Variants in NSMCE2 observed in about 807,000 individuals in gnomAD.
NSMCE2 encodes NSE2 SUMO ligase component of SMC5/6 complex, also known as E3 SUMO-protein ligase NSE2.
Under a neutral mutation model 23.8 loss-of-function variants are expected in NSMCE2, and 24 were observed. That is an observed-to-expected ratio of 1.01 (90% confidence interval 0.73 to 1.42). NSMCE2 has a LOEUF of 1.42. Among genes scored for constraint, NSMCE2 ranks in the 40% most tolerant of loss-of-function variants. The probability of loss-of-function intolerance (pLI) is 0.00; values close to 1 mark genes in which losing one functional copy is unlikely to be tolerated. For missense variants in NSMCE2, 284 were observed against 296.5 expected (o/e 0.96, Z 0.31); for synonymous variants, 92 against 94.1 (o/e 0.98, Z 0.13).
At position 125,316,647 on chromosome 8, in the gene NSMCE2, T is replaced by C. The variant is rs1323397840; in HGVS notation, c.419-40572T>C. On this transcript the variant is annotated intron_variant, in intron 5 of 7. Coordinates refer to ENST00000287437, the MANE Select transcript of NSMCE2 (RefSeq NM_173685.4). ...CTTCTTTCCTTTCTTTATTTCCTTC[T>C]TTCCTTCTTTCCTTCCTTCCTTCTT... 2.4e-4 allele frequency among the ~76,000 whole-genome samples: 15 copies of C among 63,438 alleles called. 2 individuals carry two copies. Among genetic ancestry groups the C allele is most frequent in the Admixed American group, 1.3e-3 (7 of 5,276 alleles). 41.6% of individuals were successfully genotyped at this position (63,438 alleles called of 152,430 possible). A position where few individuals can be genotyped will look rare whatever the true frequency, so the allele number is the denominator to read the frequency against.
chr8:125,164,247 C>G (rs1000388067), intron 4 of NSMCE2, among the ~76,000 whole-genome samples: 1 of 152,198 alleles, frequency 6.6e-6, no homozygotes, highest in East Asian at 1.9e-4. Context: ...CTATTGTTGA[C>G]TCTGAGCCTC....
At chr8:125,186,424 T>C (rs1263450922) in intron 5 of NSMCE2, among the ~76,000 whole-genome samples, 2 of 152,208 alleles carry the variant, frequency 1.3e-5, no homozygotes, top group Non-Finnish European at 2.9e-5. Context: ...TTTCCCTGAA[T>C]ACCATCCATT....
intron 5 of NSMCE2, among the ~76,000 whole-genome samples, chr8:125,206,491 TG>T (rs1824122928): frequency 6.6e-6 from 1 of 152,226 alleles, no homozygotes; most frequent in Admixed American, 6.5e-5. Flanking sequence ...TATGCTGAAC[TG>T]CCATGGGCTA....
At chr8:125,352,704 A>G (rs778717889) in intron 5 of NSMCE2, among the ~76,000 whole-genome samples, 1 of 152,196 alleles carries the variant, frequency 6.6e-6, no homozygotes, top group Non-Finnish European at 1.5e-5. Context: ...TGATTCTAGT[A>G]GATGATCAAT....
rs1824304728 is a variant in NSMCE2, at chr8:125,210,856, G to A, written c.418+28600G>A. Among the ~76,000 whole-genome samples, 2 of 152,120 alleles carry A rather than the reference G, an allele frequency of 1.3e-5. 1 individual carries two copies. Among genetic ancestry groups the A allele is most frequent in the Admixed American group, 1.3e-4 (2 of 15,264 alleles). ...ATGCCTCAGCCTCCCCAGTAGCTAG[G>A]ACTACAGGTATGTGCCAATATGCCA... On this transcript the variant is annotated intron_variant, in intron 5 of 7. Coordinates refer to ENST00000287437, the MANE Select transcript of NSMCE2 (RefSeq NM_173685.4).
chr8:125,331,331 TAAAA>T (rs1376812690), intron 5 of NSMCE2, among the ~76,000 whole-genome samples: 15 of 152,074 alleles, frequency 9.9e-5, no homozygotes, highest in Non-Finnish European at 1.8e-4. Flanking sequence ...GTAATAATTT[TAAAA>T]AAAGGTTTCT....
chr8:125,184,466 T>C (rs961374389), intron 5 of NSMCE2, among the ~76,000 whole-genome samples: 3 of 152,092 alleles, frequency 2.0e-5, no homozygotes. Flanking sequence ...AAAGAAATAC[T>C]TCCTTATAAA....
chr8:125,225,494 A>G (rs1002043413), intron 5 of NSMCE2, among the ~76,000 whole-genome samples: 26 of 152,224 alleles, frequency 1.7e-4, no homozygotes, highest in Admixed American at 1.5e-3. Flanking sequence ...GAGGTTGAAG[A>G]AGTGAAAATC....
chr8:125,126,732 T>C (rs954131151), intron 3 of NSMCE2, among the ~76,000 whole-genome samples: 2 of 152,200 alleles, frequency 1.3e-5, no homozygotes, highest in Non-Finnish European at 2.9e-5. Flanking sequence ...TTATTAGCAT[T>C]GTGTAAGTTT....
intron 5 of NSMCE2, among the ~76,000 whole-genome samples, chr8:125,349,339 T>G (rs1056015905): frequency 1.3e-5 from 2 of 152,216 alleles, no homozygotes; most frequent in Non-Finnish European, 2.9e-5. Flanking sequence ...GTCTTTGGAA[T>G]AATGCAAGTA....
At position 125,341,080 on chromosome 8, in the gene NSMCE2, A is replaced by T. The variant is rs549228265; in HGVS notation, c.419-16139A>T. On this transcript the variant is annotated intron_variant, in intron 5 of 7. Coordinates refer to ENST00000287437, the MANE Select transcript of NSMCE2 (RefSeq NM_173685.4). The stretch of plus-strand genomic sequence containing the variant: ...TCACTTTAACCAGTCACCTCTCCAT[A>T]TTTTTTTTTCTTTTGTCTTAAGGGA... 1.9e-4 allele frequency among the ~76,000 whole-genome samples: 29 copies of T among 151,036 alleles called. No homozygotes were observed. The South Asian group carries it at 3.8e-3, about 20-fold the overall frequency.
intron 5 of NSMCE2, among the ~76,000 whole-genome samples, chr8:125,338,597 A>C (rs577236373): frequency 1.2e-4 from 18 of 152,212 alleles, no homozygotes; most frequent in Non-Finnish European, 2.6e-4. Context: ...GAAGCAATAC[A>C]GAGAAGAAAA....
chr8:125,213,992 A>G (rs1306475007), intron 5 of NSMCE2, among the ~76,000 whole-genome samples: 1 of 152,230 alleles, frequency 6.6e-6, no homozygotes, highest in Non-Finnish European at 1.5e-5. Context: ...ACACAGAATT[A>G]AGGCAGGAAA....
At chr8:125,189,749 CTT>C (rs1380508738) in intron 5 of NSMCE2, among the ~76,000 whole-genome samples, 5 of 152,146 alleles carry the variant, frequency 3.3e-5, no homozygotes, top group African/African-American at 1.2e-4. Flanking sequence ...TTTATATTGT[CTT>C]TGAAAATTCC....
At chr8:125,143,268 CA>C (rs942478881) in intron 3 of NSMCE2, among the ~76,000 whole-genome samples, 2 of 151,800 alleles carry the variant, frequency 1.3e-5, no homozygotes, top group Non-Finnish European at 2.9e-5. Flanking sequence ...TTATTTTATC[CA>C]AAAAGAATAG....
chr8:125,303,354 G>A (rs752243246), intron 5 of NSMCE2, among the ~76,000 whole-genome samples: 38 of 152,066 alleles, frequency 2.5e-4, no homozygotes, highest in Non-Finnish European at 5.3e-4. Flanking sequence ...AGAATTCTTT[G>A]GAATTCTGAT....
intron 3 of NSMCE2, among the ~76,000 whole-genome samples, chr8:125,144,559 A>G (rs186502093): frequency 1.3e-4 from 20 of 152,350 alleles, no homozygotes; most frequent in Non-Finnish European, 2.9e-4. Flanking sequence ...CTACAGGCTT[A>G]CTGCCTACAT....
At chr8:125,238,672 CA>C (rs1334848171) in intron 5 of NSMCE2, among the ~76,000 whole-genome samples, 27 of 152,020 alleles carry the variant, frequency 1.8e-4, no homozygotes, top group Admixed American at 1.6e-3. Context: ...AATTTACCCA[CA>C]ATAGTTCTCA....
chr8:125,158,545 T>G (rs1279781611), intron 4 of NSMCE2, among the ~76,000 whole-genome samples: 2 of 152,174 alleles, frequency 1.3e-5, no homozygotes, highest in Non-Finnish European at 2.9e-5. Context: ...CCAGTGTGAT[T>G]ATTAAACACC....
Sources: allele counts gnomAD v4.1 joint callset (sites outside exome capture counted in the v4.1 genomes callset), GRCh38; gene constraint gnomAD v4.1.1; transcripts MANE v1.5; gene names NCBI Gene and HGNC (gene_info 2026-07-23, HGNC 2026-07-21).